AIFM2: variants seen among roughly 807,000 people sequenced by gnomAD.
AIFM2 encodes the protein AIF family member 2, ferroptosis suppressor, also known as ferroptosis suppressor protein 1.
Under a neutral mutation model 35.7 loss-of-function variants are expected in AIFM2, and 38 were observed. The ratio of observed to expected loss-of-function variants is 1.06; its 90% CI spans 0.82 to 1.39. The LOEUF (loss-of-function observed/expected upper bound fraction) is 1.39, where lower values mean the gene tolerates loss of function less well. Ranked by LOEUF, AIFM2 falls within the 40% of genes most tolerant of loss-of-function variation. The pLI is 0.00. For synonymous variants in AIFM2, 185 were observed against 203.5 expected (o/e 0.91, Z 0.77); for missense variants, 476 against 491.2 (o/e 0.97, Z 0.29).
Position 70,117,707 on chromosome 10 carries a change from T to C in AIFM2, c.616+105A>G. 1.1e-6 allele frequency: 1 copy of C among 873,912 alleles called. No homozygotes were observed. Among genetic ancestry groups the C allele is most frequent in the Non-Finnish European group, 1.7e-6 (1 of 573,228 alleles). The allele number at this position is 873,912 out of a possible 1,614,324, so 54.1% of individuals were successfully genotyped here. On this transcript the variant is annotated intron_variant, in intron 6 of 8. Transcript: ENST00000307864. This position sits in a 1 kb window ranked among gnomAD's most constrained non-coding sequence, Gnocchi z 4.7. ...AGGACACAGTGGAAAAGAGAGAGCC[T>C]GGGGTGGACCATAGCCACCCTCCTG...
chr10:70,132,756 C>A lies in AIFM2; in HGVS notation c.-36G>T. On this transcript the variant is annotated 5_prime_UTR_variant, in exon 1 of 9. Coordinates refer to ENST00000307864, the MANE Select transcript of AIFM2 (RefSeq NM_032797.6). ...CACCTGTCGGCCGCGCCCGCGCGCT[C>A]TCGCTCCGGCTCCCGCTCCCGCTCC... is the stretch of plus-strand genomic sequence containing the variant. 2 of 151,274 alleles carry A rather than the reference C, an allele frequency of 1.3e-5. No individual in the cohort carries two copies. The highest frequency in any genetic ancestry group is 1.9e-4 in the South Asian group (1 of 5,370). The allele number at this position is 151,274 out of a possible 1,614,324, so 9.4% of individuals were successfully genotyped here.
intron 1 of AIFM2, among the ~76,000 whole-genome samples, chr10:70,128,664 G>A (rs927876630): frequency 9.9e-5 from 15 of 152,200 alleles, no homozygotes; most frequent in African/African-American, 3.6e-4. Context: ...TGCCCAGCCT[G>A]TGAATGACGT....
At position 70,117,621 on chromosome 10, in the gene AIFM2, G is replaced by A. The variant is rs2072452276; in HGVS notation, c.616+191C>T. ...CAGGGACGGGCACAACTTCCAGCTG[G>A]ACAAGGCTCAGATGGGCTTTGATGT... On this transcript the variant is annotated intron_variant, in intron 6 of 8. Transcript: ENST00000307864. This position sits in a 1 kb window ranked among gnomAD's most constrained non-coding sequence, Gnocchi z 4.7. 2.6e-5 allele frequency among the ~76,000 whole-genome samples: 4 copies of A among 152,208 alleles called. No homozygotes were observed. The highest frequency in any genetic ancestry group is 2.6e-4 in the Admixed American group (4 of 15,280).
At chr10:70,119,553 A>G (rs1226232998) in intron 5 of AIFM2, among the ~76,000 whole-genome samples, 1 of 152,224 alleles carries the variant, frequency 6.6e-6, no homozygotes, top group Non-Finnish European at 1.5e-5. Context: ...TGGAGTGAGT[A>G]GGGAGAAAAA....
Position 70,112,964 on chromosome 10 carries a change from C to G in AIFM2, c.*1214G>C, listed in dbSNP as rs1384577545. The G allele has an allele frequency of 6.6e-6, 1 of 152,204 alleles. No homozygotes were observed. Among genetic ancestry groups the G allele is most frequent in the Non-Finnish European group, 1.5e-5 (1 of 68,032 alleles). 9.4% of individuals were successfully genotyped at this position (152,204 alleles called of 1,614,324 possible). A position where few individuals can be genotyped will look rare whatever the true frequency, so the allele number is the denominator to read the frequency against. The stretch of plus-strand genomic sequence containing the variant: ...GCATCAGCTGGAGTTTTGTCACTTA[C>G]AAATCTGCCCATAAGTAACCTAGAA... On this transcript the variant is annotated 3_prime_UTR_variant, in exon 9 of 9. Coordinates refer to ENST00000307864, the MANE Select transcript of AIFM2 (RefSeq NM_032797.6).
At chr10:70,122,698 C>T (rs948637850) in intron 3 of AIFM2, among the ~76,000 whole-genome samples, 9 of 152,202 alleles carry the variant, frequency 5.9e-5, no homozygotes, top group Non-Finnish European at 8.8e-5. Context: ...TTGTCTGGGA[C>T]GCTGGCTTTT....
At chr10:70,128,977 A>G (rs1185733965) in intron 1 of AIFM2, among the ~76,000 whole-genome samples, 1 of 152,160 alleles carries the variant, frequency 6.6e-6, no homozygotes, top group African/African-American at 2.4e-5. Flanking sequence ...CTCAAAAGTA[A>G]AAAAAAGAAA....
rs774298228 is a variant in AIFM2, at chr10:70,117,958, C to G, written c.508-38G>C. 6.1e-6 allele frequency: 9 copies of G among 1,474,228 alleles called. No individual in the cohort carries two copies. The East Asian group carries it at 2.1e-4, about 34-fold the overall frequency. 91.3% of individuals were successfully genotyped at this position (1,474,228 alleles called of 1,614,324 possible). ...CGACCACAGGGCCTGAGAAGGAGCC[C>G]CCAAGTCTTCAAACACAATCATTGC... On this transcript the variant is annotated intron_variant, in intron 5 of 8. Coordinates refer to ENST00000307864, the MANE Select transcript of AIFM2 (RefSeq NM_032797.6). The surrounding 1 kb of genome is among the most constrained non-coding windows in gnomAD (Gnocchi z 4.7).
At chr10:70,126,241 A>G (rs1461458482) in intron 1 of AIFM2, among the ~76,000 whole-genome samples, 1 of 152,246 alleles carries the variant, frequency 6.6e-6, no homozygotes, top group Admixed American at 6.5e-5. Context: ...TGAGCCCTAA[A>G]GAGAGGCAGA....
intron 8 of AIFM2, chr10:70,114,690 T>A: frequency 5.4e-6 from 3 of 560,184 alleles, no homozygotes; most frequent in Non-Finnish European, 9.4e-6. Flanking sequence ...GTCAGGCTGG[T>A]CTCGAACTCC....
chr10:70,118,988 C>T (rs180755100), intron 5 of AIFM2, among the ~76,000 whole-genome samples: 203 of 152,238 alleles, frequency 1.3e-3, no homozygotes, highest in African/African-American at 4.6e-3. Context: ...GCTCCAGTGA[C>T]GAGAGGGGGC....
At chr10:70,116,601 C>T (rs1458613393) in intron 7 of AIFM2, 21 bp downstream of exon 7, 1 of 1,612,148 alleles carries the variant, frequency 6.2e-7, no homozygotes, top group Non-Finnish European at 8.5e-7. Flanking sequence ...ACAGGGGAAG[C>T]CCGGCTGGGC....
At chr10:70,123,782 T>C (rs1394682361) in intron 2 of AIFM2, 125 bp downstream of exon 2, 1 of 1,084,134 alleles carries the variant, frequency 9.2e-7, no homozygotes, top group African/African-American at 1.6e-5. Flanking sequence ...CTCCAGAACT[T>C]GTCTGACAGT....
chr10:70,132,360 G>A (rs961440702), intron 1 of AIFM2, among the ~76,000 whole-genome samples: 3 of 152,150 alleles, frequency 2.0e-5, no homozygotes, highest in African/African-American at 4.8e-5. Flanking sequence ...TCTACCCAGC[G>A]GACCCTCGGA....
Position 70,113,969 on chromosome 10 carries a change from A to C in AIFM2, c.*209T>G, listed in dbSNP as rs143821030. 2,157 of 632,858 alleles carry C rather than the reference A, an allele frequency of 3.4e-3. 7 individuals carry two copies. Among genetic ancestry groups the C allele is most frequent in the Non-Finnish European group, 5.0e-3 (1,969 of 390,320 alleles). 39.2% of individuals were successfully genotyped at this position (632,858 alleles called of 1,614,324 possible). A position where few individuals can be genotyped will look rare whatever the true frequency, so the allele number is the denominator to read the frequency against. Reference sequence around the variant, plus strand: ...GTACCACAGCAAGCACACCTTCCAAACCCAGAAAGTATCCTCTAAGGGGGG... The same window carrying C: ...GTACCACAGCAAGCACACCTTCCAACCCCAGAAAGTATCCTCTAAGGGGGG... On this transcript the variant is annotated 3_prime_UTR_variant, in exon 9 of 9. Transcript: ENST00000307864.
At chr10:70,126,503 C>T (rs1381466465) in intron 1 of AIFM2, among the ~76,000 whole-genome samples, 1 of 152,172 alleles carries the variant, frequency 6.6e-6, no homozygotes, top group East Asian at 1.9e-4. Flanking sequence ...CTGCACTGCC[C>T]TGATCATCTT....
At chr10:70,124,764 T>C (rs1377258102) in intron 1 of AIFM2, among the ~76,000 whole-genome samples, 10 of 152,156 alleles carry the variant, frequency 6.6e-5, no homozygotes, top group Admixed American at 2.0e-4. Context: ...CAAAAAACAT[T>C]CTTTAAGCAC....
chr10:70,123,648 G>C (rs1164072949), intron 2 of AIFM2, 128 bp from the exon 3 acceptor site: 3 of 861,138 alleles, frequency 3.5e-6, no homozygotes, highest in Non-Finnish European at 5.4e-6. Context: ...CGGGCCATTA[G>C]GTATGCCTGG....
chr10:70,114,877 C>T (rs1356205003), intron 8 of AIFM2, 43 bp downstream of exon 8: 1 of 1,603,166 alleles, frequency 6.2e-7, no homozygotes, highest in Admixed American at 1.7e-5. Context: ...ATGTTTAACC[C>T]CAAACTCTAT....
Sources: allele counts gnomAD v4.1 joint callset (sites outside exome capture counted in the v4.1 genomes callset), GRCh38; gene constraint gnomAD v4.1.1; non-coding constraint Gnocchi (gnomAD v3.1); transcripts MANE v1.5; gene names NCBI Gene and HGNC (gene_info 2026-07-23, HGNC 2026-07-21).